The following ZBTB20 variants were observed in gnomAD, a reference collection of about 807,000 sequenced individuals.
ZBTB20 encodes zinc finger and BTB domain-containing protein 20.
A neutral mutation model predicts 56.9 loss-of-function variants in ZBTB20; 9 were observed. The ratio of observed to expected loss-of-function variants is 0.16; its 90% confidence interval spans 0.10 to 0.28. ZBTB20 has a LOEUF of 0.28. ZBTB20 is among the 10% of genes least tolerant of loss of function. The pLI is 1.00. For synonymous variants in ZBTB20, 417 were observed against 420.7 expected, an observed-to-expected ratio of 0.99 and a Z score of 0.11; for missense variants, 655 against 1,003.0, an observed-to-expected ratio of 0.65 and a Z score of 4.69.
intron 2 of ZBTB20, among the ~76,000 whole-genome samples, chr3:114,978,272 C>T (rs1326324569): frequency 1.4e-5 from 2 of 147,686 alleles, no homozygotes; most frequent in Non-Finnish European, 3.0e-5. Context: ...ATATTTTAAA[C>T]TATATATAAA....
chr3:114,503,166 T>C (rs923629766), intron 6 of ZBTB20, among the ~76,000 whole-genome samples: 1 of 152,166 alleles, frequency 6.6e-6, no homozygotes, highest in Non-Finnish European at 1.5e-5. Context: ...TTCCTGGATG[T>C]CAAATGACAC....
intron 4 of ZBTB20, among the ~76,000 whole-genome samples, chr3:114,861,480 A>G (rs11719469): frequency 1.3e-5 from 2 of 151,822 alleles, no homozygotes; most frequent in Non-Finnish European, 2.9e-5. Context: ...TTTTCTGCTG[A>G]TAAGAGAAGG....
chr3:114,878,411 G>T (rs1051556505), intron 4 of ZBTB20, among the ~76,000 whole-genome samples: 5 of 152,036 alleles, frequency 3.3e-5, no homozygotes, highest in Non-Finnish European at 7.4e-5. Context: ...AAAAGAAATG[G>T]TTTTCAGCAT....
In ZBTB20 at chr3:114,351,490, G is replaced by C. The variant is rs759501703; in HGVS notation, c.588C>G (p.Asn196Lys). The C allele has an allele frequency of 1.2e-6, 2 of 1,613,950 alleles. No homozygotes were observed. The highest frequency in any genetic ancestry group is 1.7e-6 in the Non-Finnish European group (2 of 1,180,016). The change falls in exon 11 of 12, where the codon AAC becomes AAG. Residue 196 changes from asparagine (N) to lysine (K), a missense_variant. By Grantham distance (94) the Asn-to-Lys change is moderately conservative (BLOSUM62 0). This residue lies in a region of ZBTB20 where 167 missense variants were observed against 281.9 expected (regional missense o/e 0.59). Transcript: ENST00000675478. Reference protein sequence around the residue: ...IDECTRIVSQNVGDVFPGIQD... With the variant: ...IDECTRIVSQKVGDVFPGIQD... ...GGATCCCCGGGAACACATCGCCCAC[G>C]TTCTGTGACACGATGCGCGTGCACT...
intron 6 of ZBTB20, among the ~76,000 whole-genome samples, chr3:114,518,047 C>T (rs1013466225): frequency 3.3e-5 from 5 of 152,050 alleles, no homozygotes; most frequent in South Asian, 4.1e-4. Context: ...CATAAGAATA[C>T]ATAAAGGGGG....
chr3:114,945,051 A>G (rs1576390759), intron 3 of ZBTB20, among the ~76,000 whole-genome samples: 2 of 145,840 alleles, frequency 1.4e-5, no homozygotes, highest in African/African-American at 2.8e-5. Context: ...TAATTCTACA[A>G]TGTAAACATA....
chr3:114,426,838 G>T (rs2089716665), intron 7 of ZBTB20, among the ~76,000 whole-genome samples: 1 of 152,104 alleles, frequency 6.6e-6, no homozygotes, highest in Non-Finnish European at 1.5e-5. Context: ...ATTGTGTATT[G>T]TAGTTGTTTA....
intron 2 of ZBTB20, among the ~76,000 whole-genome samples, chr3:115,023,110 G>A (rs1193934077): frequency 6.6e-6 from 1 of 150,750 alleles, no homozygotes; most frequent in East Asian, 1.9e-4. Flanking sequence ...AAATAGAGAG[G>A]GAAGAATTCA....
rs527396134 is a variant in ZBTB20, at chr3:114,567,411, G to A, written c.-294-67020C>T. Among the ~76,000 whole-genome samples, 14 of 152,246 alleles carry A rather than the reference G, an allele frequency of 9.2e-5. No individual in the cohort carries two copies. In the South Asian group the frequency reaches 2.9e-3, roughly 32 times the overall value. ...CATGTTAAAATCCAAATTCTGTTAT[G>A]TTATTGGCATTGGGATAAAATTTCT... On this transcript the variant is annotated intron_variant, in intron 6 of 11. Coordinates refer to ENST00000675478, the MANE Select transcript of ZBTB20 (RefSeq NM_001348800.3).
At chr3:114,731,098 T>C (rs1160107830) in intron 5 of ZBTB20, among the ~76,000 whole-genome samples, 1 of 152,204 alleles carries the variant, frequency 6.6e-6, no homozygotes, top group African/African-American at 2.4e-5. Context: ...GGTCTATTTG[T>C]TGGAGTAACA....
At chr3:114,598,899 T>C (rs1577865764) in intron 6 of ZBTB20, among the ~76,000 whole-genome samples, 1 of 152,124 alleles carries the variant, frequency 6.6e-6, no homozygotes, top group East Asian at 1.9e-4. Flanking sequence ...TTTGCTGCGT[T>C]GTGTCCAGTT....
At chr3:114,909,337 T>C (rs2075438152) in intron 3 of ZBTB20, among the ~76,000 whole-genome samples, 1 of 152,198 alleles carries the variant, frequency 6.6e-6, no homozygotes, top group Non-Finnish European at 1.5e-5. Context: ...TGTACAGCTA[T>C]ACAATTTATG....
chr3:115,135,697 C>T (rs945677180), intron 1 of ZBTB20, among the ~76,000 whole-genome samples: 1 of 152,068 alleles, frequency 6.6e-6, no homozygotes, highest in African/African-American at 2.4e-5. Context: ...TTACATGTGT[C>T]CCACATGTGG....
At chr3:114,637,127 A>T (rs2059322091) in intron 6 of ZBTB20, among the ~76,000 whole-genome samples, 1 of 152,160 alleles carries the variant, frequency 6.6e-6, no homozygotes, top group Admixed American at 6.6e-5. Flanking sequence ...TGATTAATTC[A>T]TTAAAATGAT....
chr3:114,925,598 T>C (rs1477338173), intron 3 of ZBTB20, among the ~76,000 whole-genome samples: 1 of 151,386 alleles, frequency 6.6e-6, no homozygotes, highest in Admixed American at 6.6e-5. Context: ...ACGATCTTGG[T>C]TCACTGCAAC....
At chr3:115,056,130 G>A (rs540403522) in intron 2 of ZBTB20, among the ~76,000 whole-genome samples, 1 of 152,106 alleles carries the variant, frequency 6.6e-6, no homozygotes, top group Non-Finnish European at 1.5e-5. Flanking sequence ...GCATGTATGG[G>A]AGTGTGTAAA....
chr3:115,090,724 A>G (rs893640477), intron 1 of ZBTB20, among the ~76,000 whole-genome samples: 1 of 151,914 alleles, frequency 6.6e-6, no homozygotes, highest in African/African-American at 2.4e-5. Context: ...AAAAAACTTC[A>G]TATATATTAA....
chr3:114,529,172 A>C (rs1273336007), intron 6 of ZBTB20: 1 of 152,216 alleles, frequency 6.6e-6, no homozygotes, highest in Non-Finnish European at 1.5e-5. Flanking sequence ...CCCTGTGACC[A>C]AATTCTGGTG....
intron 3 of ZBTB20, among the ~76,000 whole-genome samples, chr3:114,923,243 C>T (rs570533415): frequency 6.6e-6 from 1 of 152,224 alleles, no homozygotes; most frequent in African/African-American, 2.4e-5. Flanking sequence ...TTGTTTGGAA[C>T]CACAAAAGAT....
Sources: allele counts gnomAD v4.1 joint callset (sites outside exome capture counted in the v4.1 genomes callset), GRCh38; gene constraint gnomAD v4.1.1; regional missense constraint gnomAD v4.1.1; transcripts MANE v1.5; gene names NCBI Gene and HGNC (gene_info 2026-07-23, HGNC 2026-07-21).